ELOVL6: variants seen among roughly 807,000 people sequenced by gnomAD.
The protein encoded by ELOVL6 is very long chain fatty acid elongase 6.
In ELOVL6, 8 loss-of-function variants were observed where a neutral mutation model predicts 31.7. That is an observed-to-expected ratio of 0.25 (90% CI 0.15 to 0.45). ELOVL6 has a LOEUF of 0.45. ELOVL6 is among the 20% of genes least tolerant of loss of function. The pLI is 1.00. For missense variants in ELOVL6, 126 were observed against 326.4 expected (o/e 0.39, Z 4.73); for synonymous variants, 101 against 117.7 (o/e 0.86, Z 0.92).
intron 2 of ELOVL6, among the ~76,000 whole-genome samples, chr4:110,065,629 G>C (rs917707066): frequency 2.0e-5 from 3 of 152,016 alleles, no homozygotes; most frequent in African/African-American, 4.8e-5. Context: ...TTCTCAAAAC[G>C]ACAACAACAG....
At chr4:110,084,588 A>ATATTTTTTTT (rs1553956261) in intron 2 of ELOVL6, among the ~76,000 whole-genome samples, 1 of 29,658 alleles carries the variant, frequency 3.4e-5, no homozygotes, top group African/African-American at 2.2e-4. Context: ...ATATATATAT[A>ATATTTTTTTT]TTTTTTTTTT....
At chr4:110,137,507 G>A (rs1375444634) in intron 1 of ELOVL6, among the ~76,000 whole-genome samples, 1 of 152,124 alleles carries the variant, frequency 6.6e-6, no homozygotes, top group Non-Finnish European at 1.5e-5. Flanking sequence ...TTCAAGATTT[G>A]ATAAGCTGTT....
At chr4:110,056,818 G>T (rs934877480) in intron 3 of ELOVL6, among the ~76,000 whole-genome samples, 2 of 152,102 alleles carry the variant, frequency 1.3e-5, no homozygotes, top group African/African-American at 4.8e-5. Context: ...ACTGGATTAT[G>T]GCTCCTTTGG....
chr4:110,163,296 C>T (rs908355612), intron 1 of ELOVL6, among the ~76,000 whole-genome samples: 2 of 152,188 alleles, frequency 1.3e-5, no homozygotes, highest in African/African-American at 4.8e-5. Context: ...TAAGGCTTTC[C>T]CTGACCCCCT....
chr4:110,143,531 C>T (rs1424859270), intron 1 of ELOVL6, among the ~76,000 whole-genome samples: 1 of 152,034 alleles, frequency 6.6e-6, no homozygotes, highest in African/African-American at 2.4e-5. Context: ...TTTCTTAGGA[C>T]AATGAGCTAT....
chr4:110,105,673 G>A (rs1756867178), intron 1 of ELOVL6, 45 bp from the exon 2 acceptor site: 1 of 1,573,916 alleles, frequency 6.4e-7, no homozygotes, highest in African/African-American at 1.4e-5. Context: ...TTAGTCATTA[G>A]GAAACACCAA....
At chr4:110,140,364 A>G (rs1403711410) in intron 1 of ELOVL6, among the ~76,000 whole-genome samples, 5 of 152,136 alleles carry the variant, frequency 3.3e-5, no homozygotes, top group African/African-American at 1.2e-4. Context: ...TGCTCTGCTA[A>G]AAAAGAATGG....
chr4:110,062,079 G>A (rs1755158346), intron 2 of ELOVL6, among the ~76,000 whole-genome samples: 1 of 152,134 alleles, frequency 6.6e-6, no homozygotes, highest in African/African-American at 2.4e-5. Flanking sequence ...AGCTAACTCT[G>A]GCTAGTGAGT....
chr4:110,109,163 T>C (rs58505031), intron 1 of ELOVL6, among the ~76,000 whole-genome samples: 9,042 of 152,248 alleles, frequency 0.059, 897 homozygotes, highest in African/African-American at 0.2. Context: ...GGTAATACTT[T>C]GTATACTGGC....
In ELOVL6 at chr4:110,051,848, G is replaced by C; in HGVS notation, c.374-86C>G. The C allele has an allele frequency of 8.8e-7, 1 of 1,139,018 alleles. No homozygotes were observed. The highest frequency in any genetic ancestry group is 1.5e-5 in the African/African-American group (1 of 65,110). 70.6% of individuals were successfully genotyped at this position (1,139,018 alleles called of 1,614,324 possible). A position where few individuals can be genotyped will look rare whatever the true frequency, so the allele number is the denominator to read the frequency against. On this transcript the variant is annotated intron_variant, in intron 3 of 3. Coordinates refer to ENST00000302274, the MANE Select transcript of ELOVL6 (RefSeq NM_024090.3). The surrounding 1 kb of genome is among the most constrained non-coding windows in gnomAD (Gnocchi z 4.8). ...AGTTTTGTAAGAGGGTAGACATCCTGAGCTAGGACTGGAGAGTTACATAGA... is the reference window on the plus strand; with the variant it reads ...AGTTTTGTAAGAGGGTAGACATCCTCAGCTAGGACTGGAGAGTTACATAGA...
intron 1 of ELOVL6, among the ~76,000 whole-genome samples, chr4:110,174,008 T>TA (rs1469768064): frequency 6.6e-6 from 1 of 151,500 alleles, no homozygotes; most frequent in African/African-American, 2.4e-5. Context: ...AATAAAAATA[T>TA]AAAAAAGCAA....
At chr4:110,176,238 C>T (rs1000023289) in intron 1 of ELOVL6, among the ~76,000 whole-genome samples, 2 of 152,126 alleles carry the variant, frequency 1.3e-5, no homozygotes, top group South Asian at 2.1e-4. Flanking sequence ...TCTTGGCTCA[C>T]TGCAACCTCC....
intron 2 of ELOVL6, among the ~76,000 whole-genome samples, chr4:110,076,331 T>A (rs547787982): frequency 5.9e-4 from 90 of 152,324 alleles, no homozygotes; most frequent in African/African-American, 2.1e-3. Context: ...TCTCTACAAT[T>A]TACTGTATAT....
intron 1 of ELOVL6, among the ~76,000 whole-genome samples, chr4:110,193,923 T>C (rs1292103232): frequency 1.3e-5 from 2 of 152,164 alleles, no homozygotes; most frequent in Non-Finnish European, 2.9e-5. Context: ...ACATACATAA[T>C]GTTACAGCAG....
intron 1 of ELOVL6, among the ~76,000 whole-genome samples, chr4:110,126,979 C>CA (rs397972931): frequency 0.068 from 9,953 of 145,434 alleles, 370 homozygotes; most frequent in African/African-American, 0.1. Context: ...ACTGTAATTA[C>CA]AAAAAAAAAA....
chr4:110,108,147 A>C (rs985749019), intron 1 of ELOVL6, among the ~76,000 whole-genome samples: 1 of 152,200 alleles, frequency 6.6e-6, no homozygotes, highest in African/African-American at 2.4e-5. Context: ...GAGCCTGGGA[A>C]GCTTTCATCC....
chr4:110,068,563 C>T (rs16997129), intron 2 of ELOVL6, among the ~76,000 whole-genome samples: 54,425 of 152,024 alleles, frequency 0.36, 12,221 homozygotes, highest in East Asian at 0.73. Flanking sequence ...GATTCACTTT[C>T]AGAAGTACCC....
chr4:110,081,430 A>G (rs1227239303), intron 2 of ELOVL6, among the ~76,000 whole-genome samples: 2 of 152,222 alleles, frequency 1.3e-5, no homozygotes, highest in Admixed American at 1.3e-4. Flanking sequence ...GCCCTCAGAA[A>G]TAATGCCACA....
intron 3 of ELOVL6, among the ~76,000 whole-genome samples, chr4:110,056,048 A>G (rs1372592262): frequency 6.7e-6 from 1 of 149,836 alleles, no homozygotes; most frequent in African/African-American, 2.5e-5. Context: ...TTGATGGAGT[A>G]ATGGTTGCTC....
Sources: allele counts gnomAD v4.1 joint callset (sites outside exome capture counted in the v4.1 genomes callset), GRCh38; gene constraint gnomAD v4.1.1; non-coding constraint Gnocchi (gnomAD v3.1); transcripts MANE v1.5; gene names NCBI Gene and HGNC (gene_info 2026-07-23, HGNC 2026-07-21).